The following KHDRBS2 variants were observed in gnomAD, a reference collection of about 807,000 sequenced individuals.
KHDRBS2 encodes KH domain-containing, RNA-binding, signal transduction-associated protein 2.
In KHDRBS2, 26 loss-of-function variants were observed where a neutral mutation model predicts 44.3. The ratio of observed to expected loss-of-function variants is 0.59; its 90% confidence interval spans 0.43 to 0.81. The LOEUF is 0.81. Among genes scored for constraint, KHDRBS2 ranks in the 40% least tolerant of loss-of-function variants. KHDRBS2 has a pLI of 0.00. For synonymous variants in KHDRBS2, 194 were observed against 151.1 expected, an observed-to-expected ratio of 1.28 and a Z score of -2.08; for missense variants, 476 against 433.1, an observed-to-expected ratio of 1.10 and a Z score of -0.88.
intron 3 of KHDRBS2, among the ~76,000 whole-genome samples, chr6:61,983,242 T>TCC (rs1357374587): frequency 1.5e-5 from 2 of 137,446 alleles, no homozygotes; most frequent in African/African-American, 5.6e-5. Context: ...CTTTCTTTTT[T>TCC]TTTTTTTTTT....
At chr6:61,678,259 C>T (rs1469390387), downstream of KHDRBS2, among the ~76,000 whole-genome samples, 1 of 151,926 alleles carries the variant, frequency 6.6e-6, no homozygotes, top group Non-Finnish European at 1.5e-5. Flanking sequence ...ACTGTCCCTG[C>T]ACTCTTTTCA....
Position 61,776,249 on chromosome 6 carries a change from C to A in KHDRBS2, c.811-43485G>T, listed in dbSNP as rs1401669821. On this transcript the variant is annotated intron_variant, in intron 6 of 8. Coordinates refer to ENST00000281156, the MANE Select transcript of KHDRBS2 (RefSeq NM_152688.4). The stretch of plus-strand genomic sequence containing the variant: ...GGCATGGGCAAGGACTTCATGTCTA[C>A]AACACCAAAAGCAATGGCAACAAAA... Among the ~76,000 whole-genome samples the A allele has an allele frequency of 3.0e-3, 454 of 149,200 alleles. 1 individual carries two copies. Among genetic ancestry groups the A allele is most frequent in the Non-Finnish European group, 3.9e-3 (261 of 67,152 alleles).
intron 2 of KHDRBS2, among the ~76,000 whole-genome samples, chr6:62,156,152 T>C (rs1455668647): frequency 2.6e-5 from 4 of 152,178 alleles, no homozygotes; most frequent in African/African-American, 9.7e-5. Flanking sequence ...CCAATTACAC[T>C]TCATAGCTCA....
chr6:61,955,755 G>C (rs1366885334), intron 4 of KHDRBS2, among the ~76,000 whole-genome samples: 1 of 151,424 alleles, frequency 6.6e-6, no homozygotes, highest in Non-Finnish European at 1.5e-5. Flanking sequence ...TAGACAGACA[G>C]AGAGAGAGAA....
At chr6:61,629,366 A>G in the KHDRBS2 span, among the ~76,000 whole-genome samples, 1 of 152,202 alleles carries the variant, frequency 6.6e-6, no homozygotes, top group Non-Finnish European at 1.5e-5. Flanking sequence ...CTTTGCATCT[A>G]TAATTTGGCA....
chr6:62,229,253 G>A lies in KHDRBS2; in HGVS notation c.92-51941C>T, dbSNP rs146254477. 1.2e-4 allele frequency among the ~76,000 whole-genome samples: 18 copies of A among 152,208 alleles called. 1 individual carries two copies. The East Asian group carries it at 3.5e-3, about 30-fold the overall frequency. ...AGGCCCTGCCCAGTGAGGAGGGATG[G>A]GCCAAGGTCAGGCCTGAAGGGGCAC... On this transcript the variant is annotated intron_variant, in intron 1 of 8. Coordinates refer to ENST00000281156, the MANE Select transcript of KHDRBS2 (RefSeq NM_152688.4).
the KHDRBS2 span, among the ~76,000 whole-genome samples, chr6:61,549,591 A>C: frequency 6.6e-6 from 1 of 152,108 alleles, no homozygotes; most frequent in African/African-American, 2.4e-5. Context: ...CCTGCCTTCT[A>C]TTGCTATATG....
At chr6:61,626,982 G>A in the KHDRBS2 span, among the ~76,000 whole-genome samples, 4 of 152,054 alleles carry the variant, frequency 2.6e-5, no homozygotes, top group South Asian at 6.2e-4. Flanking sequence ...GGCCGGGCGC[G>A]GTGGCTCACG....
chr6:61,831,242 T>G (rs1184562417), intron 6 of KHDRBS2, among the ~76,000 whole-genome samples: 1 of 152,144 alleles, frequency 6.6e-6, no homozygotes, highest in African/African-American at 2.4e-5. Context: ...TGGCTTATTG[T>G]TAATGTCTTA....
At chr6:61,545,889 G>T in the KHDRBS2 span, among the ~76,000 whole-genome samples, 5 of 152,050 alleles carry the variant, frequency 3.3e-5, no homozygotes, top group African/African-American at 1.2e-4. Flanking sequence ...CACAGAGAAG[G>T]CAGCCGTCTT....
At position 61,938,783 on chromosome 6, in the gene KHDRBS2, A is replaced by AAAT. The variant is rs200396466; in HGVS notation, c.484-37415_484-37413dup. Among the ~76,000 whole-genome samples, 491 of 152,294 alleles carry AAAT rather than the reference A, an allele frequency of 3.2e-3. 6 individuals carry two copies. Among genetic ancestry groups the AAAT allele is most frequent in the Admixed American group, 0.028 (427 of 15,298 alleles). ...TGAGAAAATCCAGAAGAAAAAATGG[A>AAAT]AATAGTAAGAGGGGATTCTATAAAG... On this transcript the variant is annotated intron_variant, in intron 4 of 8. Coordinates refer to ENST00000281156, the MANE Select transcript of KHDRBS2 (RefSeq NM_152688.4).
At chr6:61,833,934 G>A (rs1261062028) in intron 6 of KHDRBS2, among the ~76,000 whole-genome samples, 2 of 152,010 alleles carry the variant, frequency 1.3e-5, no homozygotes, top group African/African-American at 4.8e-5. Flanking sequence ...TGTGCCACAA[G>A]TGTTTCTATG....
the KHDRBS2 span, among the ~76,000 whole-genome samples, chr6:61,591,828 A>C: frequency 6.6e-6 from 1 of 152,192 alleles, no homozygotes; most frequent in Non-Finnish European, 1.5e-5. Context: ...GGAAGGGGTC[A>C]AGGTAAAACT....
intron 2 of KHDRBS2, among the ~76,000 whole-genome samples, chr6:62,057,079 G>A (rs1790456303): frequency 6.6e-6 from 1 of 151,944 alleles, no homozygotes; most frequent in South Asian, 2.1e-4. Flanking sequence ...GTTTCACAAA[G>A]TGAGAGAAAG....
chr6:61,751,234 A>C (rs1777643921), intron 6 of KHDRBS2, among the ~76,000 whole-genome samples: 1 of 152,210 alleles, frequency 6.6e-6, no homozygotes. Flanking sequence ...TTCAAAATTT[A>C]TACACAGTTT....
At chr6:62,090,422 T>A (rs1260388884) in intron 2 of KHDRBS2, among the ~76,000 whole-genome samples, 1 of 152,194 alleles carries the variant, frequency 6.6e-6, no homozygotes, top group Non-Finnish European at 1.5e-5. Context: ...GCATTGTAAG[T>A]GCATTACATT....
chr6:62,136,266 G>C (rs1419309523), intron 2 of KHDRBS2, among the ~76,000 whole-genome samples: 2 of 152,052 alleles, frequency 1.3e-5, no homozygotes, highest in Non-Finnish European at 2.9e-5. Flanking sequence ...TGGTCCACAG[G>C]CCACAGTTTG....
chr6:61,930,124 T>C (rs561318705), intron 4 of KHDRBS2, among the ~76,000 whole-genome samples: 3 of 152,202 alleles, frequency 2.0e-5, no homozygotes, highest in Admixed American at 1.3e-4. Context: ...AAGGACACAG[T>C]ATTCAGACCC....
intron 4 of KHDRBS2, among the ~76,000 whole-genome samples, chr6:61,956,247 C>T (rs943532002): frequency 6.6e-6 from 1 of 151,936 alleles, no homozygotes; most frequent in Admixed American, 6.6e-5. Context: ...GCATAGCACA[C>T]CAGTATATGT....
Sources: gnomAD v4.1 joint callset for allele counts (sites outside exome capture counted in the v4.1 genomes callset) on GRCh38, gnomAD v4.1.1 for gene constraint, MANE v1.5 for transcripts, NCBI Gene and HGNC (gene_info 2026-07-23, HGNC 2026-07-21) for gene names.